COBL: variants seen among roughly 807,000 people sequenced by gnomAD.
The protein encoded by COBL is cordon-bleu WH2 repeat protein.
In COBL, 51 loss-of-function variants were observed where a neutral mutation model predicts 98.8. The ratio of observed to expected loss-of-function variants is 0.52; its 90% CI spans 0.41 to 0.65. The LOEUF is 0.65. COBL is among the 30% of genes least tolerant of loss of function. The probability of loss-of-function intolerance (pLI) is 0.00; values close to 1 mark genes in which losing one functional copy is unlikely to be tolerated. For missense variants in COBL, 1,617 were observed against 1,617.5 expected (o/e 1.00, Z 0.01); for synonymous variants, 634 against 651.7 (o/e 0.97, Z 0.41).
intron 5 of COBL, among the ~76,000 whole-genome samples, chr7:51,178,657 G>A (rs1788645052): frequency 6.6e-6 from 1 of 151,946 alleles, no homozygotes; most frequent in East Asian, 1.9e-4. Context: ...TCGCTCTGTT[G>A]CCCAGGCTGG....
chr7:51,178,856 G>A (rs1006969665), intron 5 of COBL, among the ~76,000 whole-genome samples: 2 of 152,100 alleles, frequency 1.3e-5, no homozygotes, highest in Admixed American at 6.5e-5. Context: ...CGATCCACCC[G>A]CCTTGGCCTC....
chr7:51,306,457 T>C (rs970737923), intron 1 of COBL, among the ~76,000 whole-genome samples: 8 of 152,194 alleles, frequency 5.3e-5, no homozygotes, highest in Non-Finnish European at 8.8e-5. Context: ...AGCTCGTTTA[T>C]TGAACAGAGC....
intron 6 of COBL, among the ~76,000 whole-genome samples, chr7:51,096,233 A>G (rs1167917530): frequency 6.6e-6 from 1 of 152,198 alleles, no homozygotes; most frequent in Non-Finnish European, 1.5e-5. Flanking sequence ...AAAAGTCACA[A>G]ATATGTGGAA....
At chr7:51,297,444 T>A (rs1306272908) in intron 1 of COBL, among the ~76,000 whole-genome samples, 2 of 142,638 alleles carry the variant, frequency 1.4e-5, no homozygotes, top group Non-Finnish European at 3.0e-5. Flanking sequence ...CAGGCTGGAG[T>A]GCAATGGTGC....
At chr7:51,058,945 G>C (rs1009266117) in intron 7 of COBL, among the ~76,000 whole-genome samples, 7 of 152,352 alleles carry the variant, frequency 4.6e-5, no homozygotes, top group African/African-American at 1.7e-4. Flanking sequence ...GGTCTGCATG[G>C]GTTTTCTCTG....
chr7:51,057,704 A>T (rs1790905883), intron 7 of COBL, among the ~76,000 whole-genome samples: 2 of 152,218 alleles, frequency 1.3e-5, no homozygotes, highest in South Asian at 4.1e-4. Flanking sequence ...TGGTGGCCCA[A>T]AATAACTTGG....
intron 7 of COBL, among the ~76,000 whole-genome samples, chr7:51,052,833 CTAGAGAA>C (rs1265837934): frequency 6.6e-6 from 1 of 152,194 alleles, no homozygotes. Flanking sequence ...CATCAGAACT[CTAGAGAA>C]TAAAGTATGT....
At chr7:51,036,251 C>A (rs1037329904) in intron 8 of COBL, among the ~76,000 whole-genome samples, 1 of 142,314 alleles carries the variant, frequency 7.0e-6, no homozygotes, top group Non-Finnish European at 1.5e-5. Flanking sequence ...GCAGGAAAAT[C>A]GCCTGAACCC....
At chr7:51,074,682 A>G (rs1164478867) in intron 7 of COBL, among the ~76,000 whole-genome samples, 1 of 152,194 alleles carries the variant, frequency 6.6e-6, no homozygotes, top group Non-Finnish European at 1.5e-5. Flanking sequence ...TTAGGGCTTG[A>G]GCACTCATGA....
rs148091853 is a variant in COBL, at chr7:51,059,967, GCTC to G, written c.1097-16278_1097-16276del. The stretch of plus-strand genomic sequence containing the variant: ...GTGTAGGATTGAAATGGAGACATCT[GCTC>G]CTGATTTGTCTTGAATAAACCCTCC... On this transcript the variant is annotated intron_variant, in intron 7 of 12. Transcript: ENST00000265136. 6.7e-3 allele frequency among the ~76,000 whole-genome samples: 1,020 copies of G among 152,170 alleles called. 12 individuals carry two copies. Among genetic ancestry groups the G allele is most frequent in the African/African-American group, 0.024 (990 of 41,510 alleles).
chr7:51,017,434 G>C lies in COBL; in HGVS notation c.*117C>G. On this transcript the variant is annotated 3_prime_UTR_variant, in exon 13 of 13. Transcript: ENST00000265136. ...CACCGAAAATCAACTGTGCGCATTT[G>C]GCCTGTAGACAAGAAAGTAACACCA... 2.1e-6 allele frequency: 2 copies of C among 940,496 alleles called. No individual in the cohort carries two copies. The highest frequency in any genetic ancestry group is 3.4e-6 in the Non-Finnish European group (2 of 588,288). 58.3% of individuals were successfully genotyped at this position (940,496 alleles called of 1,614,324 possible). A position where few individuals can be genotyped will look rare whatever the true frequency, so the allele number is the denominator to read the frequency against.
At position 51,028,258 on chromosome 7, in the gene COBL, C is replaced by G; in HGVS notation, c.2838G>C (p.Val946=). 4 of 1,614,158 alleles carry G rather than the reference C, an allele frequency of 2.5e-6. No individual in the cohort carries two copies. The highest frequency in any genetic ancestry group is 3.4e-6 in the Non-Finnish European group (4 of 1,179,978). Residue 946 remains valine (V), a synonymous_variant, in exon 10 of 13, where the codon GTG becomes GTC. Transcript: ENST00000265136. The part of the protein sequence containing the change: ...PPNNHGEDLA[V]GAPPRGEVIG... ...TGACCTCCCCCCTAGGAGGGGCTCC[C>G]ACTGCCAAATCTTCCCCGTGGTTGT...
chr7:51,296,592 T>G (rs748649355), intron 1 of COBL, among the ~76,000 whole-genome samples: 1 of 152,222 alleles, frequency 6.6e-6, no homozygotes, highest in Admixed American at 6.5e-5. Context: ...GGGCAAATAA[T>G]ACTGCAGCAA....
intron 6 of COBL, among the ~76,000 whole-genome samples, chr7:51,113,406 T>A (rs572840401): frequency 8.5e-5 from 13 of 152,336 alleles, no homozygotes; most frequent in African/African-American, 2.4e-4. Context: ...CATTAAGAAA[T>A]CTGACTCTTC....
At chr7:51,281,119 GA>G (rs1563122336) in intron 1 of COBL, among the ~76,000 whole-genome samples, 2 of 151,926 alleles carry the variant, frequency 1.3e-5, no homozygotes, top group African/African-American at 4.8e-5. Context: ...AGAAATAGAA[GA>G]TATAACGAAG....
intron 1 of COBL, among the ~76,000 whole-genome samples, chr7:51,274,652 G>C (rs545357224): frequency 3.9e-5 from 6 of 152,330 alleles, no homozygotes; most frequent in African/African-American, 1.4e-4. Flanking sequence ...ACACTTTTGT[G>C]CGTAGGCTCA....
At chr7:51,257,386 T>C (rs1797289307) in intron 1 of COBL, among the ~76,000 whole-genome samples, 1 of 152,200 alleles carries the variant, frequency 6.6e-6, no homozygotes, top group African/African-American at 2.4e-5. Context: ...CTGGTTTGGC[T>C]TGACTGAGGA....
chr7:51,183,900 C>T (rs1260606492), intron 5 of COBL, among the ~76,000 whole-genome samples: 3 of 152,214 alleles, frequency 2.0e-5, no homozygotes, highest in Non-Finnish European at 4.4e-5. Context: ...ACCACCATCA[C>T]CCAAGATTAC....
rs765316904 is a variant in COBL, at chr7:51,085,281, A to G, written c.981T>C (p.Asp327=). The G allele has an allele frequency of 2.5e-6, 4 of 1,576,418 alleles. No individual in the cohort carries two copies. Among genetic ancestry groups the G allele is most frequent in the South Asian group, 1.1e-5 (1 of 89,588 alleles). The part of the protein sequence containing the change: ...SEKVSLGSQI[D]LQKKKRRAPA... ...GCGCTCGCCGCTTCTTCTTCTGTAA[A>G]TCAATCTGTGACCCAAGAGATACCT... The change falls in exon 7 of 13, where the codon GAT becomes GAC. Residue 327 remains aspartate (D), a synonymous_variant. Coordinates refer to ENST00000265136, the MANE Select transcript of COBL (RefSeq NM_015198.5).
Sources: allele counts gnomAD v4.1 joint callset (sites outside exome capture counted in the v4.1 genomes callset), GRCh38; gene constraint gnomAD v4.1.1; transcripts MANE v1.5; gene names NCBI Gene and HGNC (gene_info 2026-07-23, HGNC 2026-07-21).